Variants in GPR158 observed in about 807,000 individuals in gnomAD.
GPR158 encodes the protein G protein-coupled receptor 158.
Under a neutral mutation model 78.2 loss-of-function variants are expected in GPR158, and 30 were observed. The observed-to-expected ratio is 0.38, with a 90% CI of 0.29 to 0.52. The LOEUF (loss-of-function observed/expected upper bound fraction) is 0.52, where lower values mean the gene tolerates loss of function less well. Ranked by LOEUF, GPR158 falls within the 20% of genes least tolerant of loss-of-function variation. GPR158 has a pLI of 0.83. For synonymous variants in GPR158, 581 were observed against 591.1 expected (o/e 0.98, Z 0.25); for missense variants, 1,463 against 1,523.5 (o/e 0.96, Z 0.66).
At chr10:25,557,901 G>A (rs1836805914) in intron 6 of GPR158, among the ~76,000 whole-genome samples, 2 of 152,158 alleles carry the variant, frequency 1.3e-5, no homozygotes, top group African/African-American at 4.8e-5. Context: ...TCAGAATGTA[G>A]TTCACTCAGA....
At chr10:25,509,839 G>C (rs1373101936) in intron 5 of GPR158, among the ~76,000 whole-genome samples, 1 of 152,148 alleles carries the variant, frequency 6.6e-6, no homozygotes, top group Non-Finnish European at 1.5e-5. Flanking sequence ...TCAGCCTCCT[G>C]AGTAGCTGGG....
chr10:25,543,511 G>A (rs2130705709), intron 5 of GPR158, among the ~76,000 whole-genome samples: 1 of 152,272 alleles, frequency 6.6e-6, no homozygotes, highest in Non-Finnish European at 1.5e-5. Context: ...GGGTACAAGT[G>A]CAATTTTGTT....
At chr10:25,217,700 G>A (rs941554722) in intron 1 of GPR158, among the ~76,000 whole-genome samples, 27 of 152,180 alleles carry the variant, frequency 1.8e-4, no homozygotes, top group African/African-American at 6.5e-4. Context: ...TTGACTTGGA[G>A]GTCCATTCAC....
chr10:25,471,571 C>A (rs528177826), intron 5 of GPR158, among the ~76,000 whole-genome samples: 1 of 152,274 alleles, frequency 6.6e-6, no homozygotes, highest in East Asian at 1.9e-4. Flanking sequence ...AGTTTACAGT[C>A]CCACCAATAG....
chr10:25,370,323 C>T (rs977139909), intron 2 of GPR158, among the ~76,000 whole-genome samples: 49 of 146,790 alleles, frequency 3.3e-4, no homozygotes, highest in African/African-American at 1.2e-3. Context: ...AAATTTCCCT[C>T]TACACACTGC....
intron 6 of GPR158, among the ~76,000 whole-genome samples, chr10:25,556,800 C>T (rs930371406): frequency 5.9e-5 from 9 of 152,178 alleles, no homozygotes; most frequent in Non-Finnish European, 1.2e-4. Context: ...AACAGCCAAA[C>T]ATCTTAAAGA....
At chr10:25,349,424 A>G (rs1274137587) in intron 2 of GPR158, among the ~76,000 whole-genome samples, 1 of 128,102 alleles carries the variant, frequency 7.8e-6, no homozygotes, top group Admixed American at 7.3e-5. Context: ...TCCCCACCAA[A>G]ATCTCATTTT....
At chr10:25,205,296 T>TA (rs1853008303) in intron 1 of GPR158, among the ~76,000 whole-genome samples, 2 of 149,960 alleles carry the variant, frequency 1.3e-5, no homozygotes, top group Non-Finnish European at 3.0e-5. Context: ...TTTATTAGTC[T>TA]AAATAGTGTT....
chr10:25,582,191 A>G (rs1044209456), intron 7 of GPR158, among the ~76,000 whole-genome samples: 3 of 152,202 alleles, frequency 2.0e-5, no homozygotes, highest in African/African-American at 7.2e-5. Context: ...ACACAGCCAA[A>G]CCATATCAGA....
Position 25,598,608 on chromosome 10 carries a change from C to T in GPR158, c.2982C>T (p.Thr994=). The change falls in exon 11 of 11, where the codon ACC becomes ACT. Residue 994 remains threonine (T), a synonymous_variant. Coordinates refer to ENST00000376351, the MANE Select transcript of GPR158 (RefSeq NM_020752.3). ...CCAATTCTGACCTGAACCCAGGCACCACCCAGATGAAGGACAACTTTGACA... is the reference window on the plus strand; with the variant it reads ...CCAATTCTGACCTGAACCCAGGCACTACCCAGATGAAGGACAACTTTGACA... The part of the protein sequence containing the change: ...TTANSDLNPG[T]TQMKDNFDIG... The T allele has an allele frequency of 6.2e-7, 1 of 1,614,090 alleles. No homozygotes were observed. The highest frequency in any genetic ancestry group is 8.5e-7 in the Non-Finnish European group (1 of 1,180,006).
chr10:25,259,954 T>G (rs909081185), intron 2 of GPR158, among the ~76,000 whole-genome samples: 1 of 152,110 alleles, frequency 6.6e-6, no homozygotes, highest in African/African-American at 2.4e-5. Context: ...TCTAGTAAAC[T>G]TTTCTTTGGA....
intron 5 of GPR158, among the ~76,000 whole-genome samples, chr10:25,539,678 T>A (rs1836549117): frequency 6.6e-6 from 1 of 152,150 alleles, no homozygotes; most frequent in African/African-American, 2.4e-5. Context: ...TGGAAGCTAT[T>A]CAATTTTTGT....
intron 2 of GPR158, among the ~76,000 whole-genome samples, chr10:25,288,371 C>G (rs1488368425): frequency 6.6e-6 from 1 of 152,182 alleles, no homozygotes; most frequent in Non-Finnish European, 1.5e-5. Context: ...AAATTTTAAA[C>G]ATGTGAGTTA....
intron 2 of GPR158, among the ~76,000 whole-genome samples, chr10:25,352,875 T>C (rs1012312298): frequency 1.1e-4 from 17 of 152,012 alleles, no homozygotes; most frequent in African/African-American, 3.9e-4. Flanking sequence ...TTCTTAGTAT[T>C]CAGCATGGTC....
chr10:25,442,567 T>C (rs986323580), intron 4 of GPR158, among the ~76,000 whole-genome samples: 1 of 151,914 alleles, frequency 6.6e-6, no homozygotes, highest in African/African-American at 2.4e-5. Flanking sequence ...AATACTCCAG[T>C]ATATTAATAC....
chr10:25,324,655 A>T (rs1374473259), intron 2 of GPR158, among the ~76,000 whole-genome samples: 1 of 152,178 alleles, frequency 6.6e-6, no homozygotes, highest in Non-Finnish European at 1.5e-5. Context: ...GACTCGCTCA[A>T]TGCATAGTTG....
At chr10:25,540,828 A>C (rs946105950) in intron 5 of GPR158, among the ~76,000 whole-genome samples, 2 of 151,874 alleles carry the variant, frequency 1.3e-5, no homozygotes, top group African/African-American at 4.8e-5. Flanking sequence ...GCATTAAGAG[A>C]TATACCTAAT....
At chr10:25,194,495 C>T (rs549877712) in intron 1 of GPR158, among the ~76,000 whole-genome samples, 68 of 145,826 alleles carry the variant, frequency 4.7e-4, no homozygotes, top group Non-Finnish European at 7.1e-4. Flanking sequence ...GCCAAGATCG[C>T]ACCACAGCAC....
At chr10:25,242,999 C>G (rs1478531639) in intron 2 of GPR158, among the ~76,000 whole-genome samples, 1 of 152,190 alleles carries the variant, frequency 6.6e-6, no homozygotes, top group Non-Finnish European at 1.5e-5. Flanking sequence ...TGGCAGGTCC[C>G]AGGCATAGTT....
Sources: allele counts gnomAD v4.1 joint callset (sites outside exome capture counted in the v4.1 genomes callset), GRCh38; gene constraint gnomAD v4.1.1; transcripts MANE v1.5; gene names NCBI Gene and HGNC (gene_info 2026-07-23, HGNC 2026-07-21).